CFAP61: variants seen among roughly 807,000 people sequenced by gnomAD.
CFAP61 encodes the protein cilia and flagella associated protein 61.
In CFAP61, 107 loss-of-function variants were observed where a neutral mutation model predicts 135.6. The observed-to-expected ratio is 0.79, with a 90% CI of 0.67 to 0.93. The LOEUF (loss-of-function observed/expected upper bound fraction) is 0.93, where lower values mean the gene tolerates loss of function less well. Ranked by LOEUF, CFAP61 falls within the 40% of genes least tolerant of loss-of-function variation. The pLI is 0.00. For synonymous variants in CFAP61, 575 were observed against 578.5 expected, an observed-to-expected ratio of 0.99 and a Z score of 0.09; for missense variants, 1,507 against 1,556.2, an observed-to-expected ratio of 0.97 and a Z score of 0.53.
chr20:20,190,295 A>G (rs2055828918), intron 14 of CFAP61, among the ~76,000 whole-genome samples: 1 of 152,222 alleles, frequency 6.6e-6, no homozygotes, highest in Non-Finnish European at 1.5e-5. Context: ...TGAACTCTTG[A>G]TACATGCCTT....
chr20:20,052,750 A>G lies in CFAP61; in HGVS notation c.-37+159A>G, dbSNP rs750302035. ...GCAAGGGAGTAAGAACGGAGCTCCA[A>G]TCTGGATGCTCGAGGGCGGGGGAAG... On this transcript the variant is annotated intron_variant, in intron 1 of 26. Coordinates refer to ENST00000245957, the MANE Select transcript of CFAP61 (RefSeq NM_015585.4). 20 of 1,569,198 alleles carry G rather than the reference A, an allele frequency of 1.3e-5. No individual in the cohort carries two copies. In the Admixed American group the frequency reaches 2.0e-4, roughly 16 times the overall value.
intron 2 of CFAP61, among the ~76,000 whole-genome samples, chr20:20,065,387 A>T (rs539377389): frequency 4.4e-4 from 61 of 138,566 alleles, no homozygotes; most frequent in African/African-American, 1.6e-3. Context: ...CCAAACATTT[A>T]AAAAAAAAAA....
intron 8 of CFAP61, among the ~76,000 whole-genome samples, chr20:20,121,645 CCCCTGTG>C (rs1167795603): frequency 2.6e-5 from 4 of 152,118 alleles, no homozygotes; most frequent in African/African-American, 9.7e-5. Context: ...CAGGCACATG[CCCCTGTG>C]CCCAGCTAAT....
chr20:20,169,365 G>A lies in CFAP61; in HGVS notation c.1290G>A (p.Glu430=). 6.2e-7 allele frequency: 1 copy of A among 1,613,674 alleles called. No individual in the cohort carries two copies. The highest frequency in any genetic ancestry group is 8.5e-7 in the Non-Finnish European group (1 of 1,179,870). ...CVISLPHLTP[E]FFLIQNFVKM... ...TTTCTCTGCCCCATCTCACCCCCGA[G>A]TTCTTCCTCATCCAGAACTTCGTGA... The change falls in exon 13 of 27, where the codon GAG becomes GAA. Residue 430 remains glutamate, a synonymous_variant. Transcript: ENST00000245957.
intron 18 of CFAP61, among the ~76,000 whole-genome samples, chr20:20,234,105 C>T (rs1363956885): frequency 6.6e-6 from 1 of 152,160 alleles, no homozygotes; most frequent in Non-Finnish European, 1.5e-5. Context: ...GAAAACAAAG[C>T]ATTTGGATAC....
intron 16 of CFAP61, among the ~76,000 whole-genome samples, chr20:20,197,825 G>A (rs965077252): frequency 5.3e-5 from 8 of 152,282 alleles, no homozygotes; most frequent in Admixed American, 4.6e-4. Context: ...AAGTTGTCCC[G>A]TAAGATTCCA....
At chr20:20,194,534 T>C (rs957593752) in intron 15 of CFAP61, among the ~76,000 whole-genome samples, 1 of 152,246 alleles carries the variant, frequency 6.6e-6, no homozygotes. Context: ...TATGTTTCTC[T>C]ATGCTGGTCT....
intron 17 of CFAP61, among the ~76,000 whole-genome samples, chr20:20,200,446 T>C (rs2056558122): frequency 6.6e-6 from 1 of 152,210 alleles, no homozygotes; most frequent in African/African-American, 2.4e-5. Flanking sequence ...TTAAAATGAA[T>C]GGCCAGGGGC....
intron 9 of CFAP61, among the ~76,000 whole-genome samples, chr20:20,152,623 G>T (rs1226439504): frequency 6.6e-6 from 1 of 152,030 alleles, no homozygotes. Flanking sequence ...TAAAAAAAGT[G>T]GGACATTATA....
At chr20:20,313,203 C>T (rs2056930198) in intron 25 of CFAP61, among the ~76,000 whole-genome samples, 1 of 152,234 alleles carries the variant, frequency 6.6e-6, no homozygotes, top group South Asian at 2.1e-4. Flanking sequence ...CTCTATCTCT[C>T]TCTCTGTCAT....
intron 20 of CFAP61, among the ~76,000 whole-genome samples, chr20:20,260,284 T>C (rs1418383306): frequency 6.6e-6 from 1 of 152,250 alleles, no homozygotes; most frequent in East Asian, 1.9e-4. Context: ...GGAAATTTCT[T>C]GTACTGGCTT....
chr20:20,058,622 G>A (rs1162002867), intron 2 of CFAP61, among the ~76,000 whole-genome samples: 1 of 152,208 alleles, frequency 6.6e-6, no homozygotes, highest in Non-Finnish European at 1.5e-5. Context: ...GGCTCACTCA[G>A]CCTTAGCATG....
chr20:20,186,127 C>T (rs1382093507), intron 13 of CFAP61, among the ~76,000 whole-genome samples: 1 of 152,202 alleles, frequency 6.6e-6, no homozygotes, highest in Non-Finnish European at 1.5e-5. Flanking sequence ...GGTTCTAAAA[C>T]ATTTGCATCA....
intron 18 of CFAP61, among the ~76,000 whole-genome samples, chr20:20,238,364 T>G (rs1321312378): frequency 3.9e-5 from 6 of 152,258 alleles, no homozygotes; most frequent in Non-Finnish European, 7.3e-5. Flanking sequence ...GAGCTAGGAT[T>G]TATTTTCATT....
At chr20:20,276,133 G>A (rs1344970719) in intron 21 of CFAP61, among the ~76,000 whole-genome samples, 1 of 152,202 alleles carries the variant, frequency 6.6e-6, no homozygotes, top group African/African-American at 2.4e-5. Context: ...AACAAGACAA[G>A]CCATCACACT....
At chr20:20,259,951 G>C (rs527816904) in intron 20 of CFAP61, among the ~76,000 whole-genome samples, 56 of 152,282 alleles carry the variant, frequency 3.7e-4, no homozygotes, top group African/African-American at 1.2e-3. Flanking sequence ...TGGCACTTTA[G>C]TTAGTGGCAG....
rs970847713 is a variant in CFAP61, at chr20:20,164,163, C to T, written c.1140C>T (p.Ile380=). 183 of 1,614,136 alleles carry T rather than the reference C, an allele frequency of 1.1e-4. No individual in the cohort carries two copies. Among genetic ancestry groups the T allele is most frequent in the Non-Finnish European group, 1.5e-4 (179 of 1,179,996 alleles). ...AAGAGCCCGTCCACTTCCGCCCCAT[C>T]TACAGGGGAGCCTCAGCTGCTTTTT... The part of the protein sequence containing the change: ...LPEEPVHFRP[I]YRGASAAFCI... The change falls in exon 11 of 27, where the codon ATC becomes ATT. Residue 380 remains isoleucine (I), a synonymous_variant. Transcript: ENST00000245957.
At chr20:20,118,257 CT>C (rs2049305422) in intron 8 of CFAP61, among the ~76,000 whole-genome samples, 1 of 45,998 alleles carries the variant, frequency 2.2e-5, no homozygotes, top group Non-Finnish European at 6.4e-5. Flanking sequence ...AGGTATGTTT[CT>C]TTCTTTCTTT....
At chr20:20,058,628 G>A (rs1391247482) in intron 2 of CFAP61, among the ~76,000 whole-genome samples, 1 of 152,236 alleles carries the variant, frequency 6.6e-6, no homozygotes, top group African/African-American at 2.4e-5. Context: ...CTCAGCCTTA[G>A]CATGGAATAG....
Sources: gnomAD v4.1 joint callset for allele counts (sites outside exome capture counted in the v4.1 genomes callset) on GRCh38, gnomAD v4.1.1 for gene constraint, MANE v1.5 for transcripts, NCBI Gene and HGNC (gene_info 2026-07-23, HGNC 2026-07-21) for gene names.